Variants in ANO4 observed in about 807,000 individuals in gnomAD.
ANO4 encodes the protein anoctamin 4.
Under a neutral mutation model 141.9 loss-of-function variants are expected in ANO4, and 69 were observed. The ratio of observed to expected loss-of-function variants is 0.49; its 90% CI spans 0.40 to 0.59. The LOEUF is 0.59. Ranked by LOEUF, ANO4 falls within the 20% of genes least tolerant of loss-of-function variation. The pLI is 0.00. For missense variants in ANO4, 894 were observed against 1,162.2 expected, an observed-to-expected ratio of 0.77 and a Z score of 3.36; for synonymous variants, 350 against 394.3, an observed-to-expected ratio of 0.89 and a Z score of 1.33.
rs1175094312 is a variant in ANO4, at chr12:101,094,266, A to C, written c.1712A>C (p.Lys571Thr). 1.2e-6 allele frequency: 2 copies of C among 1,611,296 alleles called. No individual in the cohort carries two copies. Among genetic ancestry groups the C allele is most frequent in the Non-Finnish European group, 1.7e-6 (2 of 1,177,856 alleles). ...AAATTTATTTTACAGCTCTATGAAA[A>C]AGTTGCCCTGCTTCTGACGAATTTA... ...IIMLLNVLYE[K>T]VALLLTNLEQ... Residue 571 changes from lysine to threonine, a missense_variant, in exon 18 of 28, where the codon AAA (lysine) becomes ACA (threonine). This residue lies in a region of ANO4 where 637 missense variants were observed against 909.2 expected (regional missense o/e 0.70). Coordinates refer to ENST00000392977, the MANE Select transcript of ANO4 (RefSeq NM_001286615.2).
chr12:101,070,652 A>G (rs936065237), intron 14 of ANO4, among the ~76,000 whole-genome samples: 2 of 152,182 alleles, frequency 1.3e-5, no homozygotes, highest in Admixed American at 1.3e-4. Flanking sequence ...AATCAAAGCA[A>G]AAATGGACAA....
chr12:101,054,463 T>G (rs1484834813), intron 14 of ANO4, among the ~76,000 whole-genome samples: 1 of 152,196 alleles, frequency 6.6e-6, no homozygotes, highest in Admixed American at 6.5e-5. Flanking sequence ...ATATATATAG[T>G]CATGGAAGCA....
At chr12:101,099,114 G>A (rs760782425) in intron 21 of ANO4, among the ~76,000 whole-genome samples, 27 of 152,186 alleles carry the variant, frequency 1.8e-4, no homozygotes, top group Non-Finnish European at 3.4e-4. Context: ...AACTGCAGGT[G>A]TTTGTGTGCC....
At chr12:101,112,163 A>G (rs1035212321) in intron 24 of ANO4, among the ~76,000 whole-genome samples, 3 of 152,228 alleles carry the variant, frequency 2.0e-5, no homozygotes, top group African/African-American at 4.8e-5. Flanking sequence ...TTACATAGGA[A>G]ATACGGAACT....
Position 101,015,975 on chromosome 12 carries a change from A to T in ANO4, c.735-4059A>T, listed in dbSNP as rs147323985. On this transcript the variant is annotated intron_variant, in intron 8 of 27. Transcript: ENST00000392977. ...TCTCATAATCCTCCAGTTTGAAAGA[A>T]TGACCCAGAAAATGAAAGTGTTCCA... Among the ~76,000 whole-genome samples, 420 of 152,312 alleles carry T rather than the reference A, an allele frequency of 2.8e-3. 7 individuals carry two copies. Among genetic ancestry groups the T allele is most frequent in the African/African-American group, 9.0e-3 (374 of 41,572 alleles).
chr12:101,122,248 C>T (rs2051127512), intron 26 of ANO4, among the ~76,000 whole-genome samples: 1 of 151,976 alleles, frequency 6.6e-6, no homozygotes, highest in South Asian at 2.1e-4. Flanking sequence ...TTGTTTTTTA[C>T]ATGTTGATTT....
At chr12:100,849,576 T>A (rs2037760142) in intron 1 of ANO4, among the ~76,000 whole-genome samples, 1 of 152,218 alleles carries the variant, frequency 6.6e-6, no homozygotes, top group Non-Finnish European at 1.5e-5. Flanking sequence ...AAGGAGATTC[T>A]TTTTATCTCT....
chr12:101,093,594 A>G (rs552568661), intron 17 of ANO4, among the ~76,000 whole-genome samples: 1 of 152,212 alleles, frequency 6.6e-6, no homozygotes, highest in East Asian at 1.9e-4. Flanking sequence ...AGCTGGATTT[A>G]CCCTAGACTA....
intron 1 of ANO4, among the ~76,000 whole-genome samples, chr12:100,856,802 T>A (rs1172716565): frequency 1.3e-5 from 2 of 151,806 alleles, no homozygotes; most frequent in Non-Finnish European, 2.9e-5. Flanking sequence ...AGGCAGAGAG[T>A]GGCAGGATAT....
chr12:100,778,260 T>G (rs2033598093), intron 3 of ANO4, among the ~76,000 whole-genome samples: 1 of 152,154 alleles, frequency 6.6e-6, no homozygotes, highest in African/African-American at 2.4e-5. Context: ...TCCTTTCTCT[T>G]TGCCATAGGA....
intron 1 of ANO4, among the ~76,000 whole-genome samples, chr12:100,813,691 T>C (rs909450508): frequency 5.9e-5 from 9 of 152,162 alleles, no homozygotes; most frequent in African/African-American, 2.2e-4. Context: ...AAACTAGCGA[T>C]GTAAATTTTC....
intron 9 of ANO4, among the ~76,000 whole-genome samples, chr12:101,023,444 G>A (rs977134591): frequency 2.6e-5 from 4 of 152,214 alleles, no homozygotes; most frequent in African/African-American, 9.6e-5. Context: ...GCTGAGGCAG[G>A]AGGATTGCTT....
chr12:100,757,103 T>C (rs2032645965), intron 3 of ANO4, among the ~76,000 whole-genome samples: 1 of 152,154 alleles, frequency 6.6e-6, no homozygotes, highest in Admixed American at 6.5e-5. Context: ...CTTCTGCATT[T>C]TCCAGAAGGG....
chr12:101,027,792 C>G (rs551754976), intron 9 of ANO4, among the ~76,000 whole-genome samples: 3 of 152,234 alleles, frequency 2.0e-5, no homozygotes, highest in East Asian at 1.9e-4. Flanking sequence ...TGCCACCCAG[C>G]AAGGCACACT....
At chr12:100,985,272 G>T (rs2136324502) in intron 7 of ANO4, among the ~76,000 whole-genome samples, 1 of 152,220 alleles carries the variant, frequency 6.6e-6, no homozygotes, top group Admixed American at 6.5e-5. Flanking sequence ...AATTAACTTT[G>T]AATTAAAAAG....
chr12:101,079,571 C>G (rs1011407560), intron 15 of ANO4, among the ~76,000 whole-genome samples: 13 of 151,828 alleles, frequency 8.6e-5, no homozygotes, highest in African/African-American at 2.9e-4. Context: ...AAAAATCATC[C>G]TTTTTTCTCT....
intron 9 of ANO4, among the ~76,000 whole-genome samples, chr12:101,036,319 C>T (rs901902390): frequency 1.3e-5 from 2 of 152,076 alleles, no homozygotes; most frequent in African/African-American, 4.8e-5. Flanking sequence ...AATGAACTAC[C>T]GTATGATACA....
chr12:100,959,964 G>A (rs1262534158), intron 5 of ANO4, among the ~76,000 whole-genome samples: 1 of 152,126 alleles, frequency 6.6e-6, no homozygotes, highest in Non-Finnish European at 1.5e-5. Flanking sequence ...TGGCAGAAGT[G>A]GAGGAGGAGG....
At chr12:101,027,112 C>T (rs187847231) in intron 9 of ANO4, among the ~76,000 whole-genome samples, 6 of 152,128 alleles carry the variant, frequency 3.9e-5, no homozygotes, top group Admixed American at 1.3e-4. Flanking sequence ...TGCGGCAGCC[C>T]GTCTGAGAGC....
Sources: gnomAD v4.1 joint callset for allele counts (sites outside exome capture counted in the v4.1 genomes callset) on GRCh38, gnomAD v4.1.1 for gene constraint, gnomAD v4.1.1 regional missense constraint, MANE v1.5 for transcripts, NCBI Gene and HGNC (gene_info 2026-07-23, HGNC 2026-07-21) for gene names.